The following BRSK1 variants were observed in gnomAD, a reference collection of about 807,000 sequenced individuals.
BRSK1 encodes the protein serine/threonine-protein kinase BRSK1.
BRSK1 carries 17 observed loss-of-function variants against 86.2 expected under a neutral mutation model. The observed-to-expected ratio is 0.20, with a 90% CI of 0.14 to 0.30. The LOEUF (loss-of-function observed/expected upper bound fraction) is 0.30, where lower values mean the gene tolerates loss of function less well. BRSK1 is among the 10% of genes least tolerant of loss of function. The probability of loss-of-function intolerance (pLI) is 1.00; values close to 1 mark genes in which losing one functional copy is unlikely to be tolerated. For synonymous variants in BRSK1, 464 were observed against 440.1 expected, an observed-to-expected ratio of 1.05 and a Z score of -0.68; for missense variants, 719 against 1,071.9, an observed-to-expected ratio of 0.67 and a Z score of 4.60.
At chr19:55,286,352 C>T (rs772794195) in intron 1 of BRSK1, among the ~76,000 whole-genome samples, 76 of 151,582 alleles carry the variant, frequency 5.0e-4, no homozygotes, top group Non-Finnish European at 9.4e-4. Context: ...AGTCGAGGGT[C>T]CTGAGGAGAG....
chr19:55,298,209 C>CTTTTTTTTTTTTTT (rs71181751), intron 7 of BRSK1, among the ~76,000 whole-genome samples: 15 of 69,620 alleles, frequency 2.2e-4, no homozygotes, highest in Admixed American at 5.5e-4. Flanking sequence ...TTTGTTTCTT[C>CTTTTTTTTTTTTTT]TTTTTTTTTT....
At chr19:55,300,368 C>G (rs556541292) in intron 7 of BRSK1, among the ~76,000 whole-genome samples, 1 of 152,270 alleles carries the variant, frequency 6.6e-6, no homozygotes, top group Admixed American at 6.5e-5. Flanking sequence ...CAGTGACTTG[C>G]CTGAGGTCAT....
At position 55,310,317 on chromosome 19, in the gene BRSK1, C is replaced by T. The variant is rs1432760515; in HGVS notation, c.2179+1589C>T. Among the ~76,000 whole-genome samples the T allele has an allele frequency of 1.3e-5, 2 of 152,100 alleles. No homozygotes were observed. Among genetic ancestry groups the T allele is most frequent in the Admixed American group, 6.6e-5 (1 of 15,264 alleles). On this transcript the variant is annotated intron_variant, in intron 18 of 18. Transcript: ENST00000309383. The surrounding 1 kb of genome is among the most constrained non-coding windows in gnomAD (Gnocchi z 5.0). ...GTTCCTAGGCGCTCTGGTTAAGGCC[C>T]GTTCCTCCATCTTCAAAGCCAGTGA...
At chr19:55,289,911 G>T (rs1023513694) in intron 4 of BRSK1, among the ~76,000 whole-genome samples, 1 of 152,090 alleles carries the variant, frequency 6.6e-6, no homozygotes, top group African/African-American at 2.4e-5. Flanking sequence ...CCAGCCCCCG[G>T]CAACCTATGT....
intron 4 of BRSK1, among the ~76,000 whole-genome samples, chr19:55,292,632 G>A (rs142473727): frequency 0.028 from 4,241 of 151,444 alleles, 68 homozygotes; most frequent in Non-Finnish European, 0.039. Context: ...TGAAGAGTTC[G>A]AGACCAGCCT....
intron 7 of BRSK1, among the ~76,000 whole-genome samples, chr19:55,297,495 G>A (rs1405853286): frequency 6.6e-6 from 1 of 152,232 alleles, no homozygotes. Flanking sequence ...CCTGGGGTCA[G>A]TCCTTGGTCT....
chr19:55,292,206 C>G (rs1041179697), intron 4 of BRSK1, among the ~76,000 whole-genome samples: 1 of 152,190 alleles, frequency 6.6e-6, no homozygotes, highest in African/African-American at 2.4e-5. Context: ...GAATCCTACA[C>G]TCCCTCTCTC....
In BRSK1 at chr19:55,289,690, G is replaced by A. The variant is rs2088375566; in HGVS notation, c.458+70G>A. 10 of 1,566,362 alleles carry A rather than the reference G, an allele frequency of 6.4e-6. No homozygotes were observed. In the Admixed American group the frequency reaches 1.9e-4, roughly 30 times the overall value. On this transcript the variant is annotated intron_variant, in intron 4 of 18. Transcript: ENST00000309383. ...GCAGACAGGCCCTTGGGGGCATGTG[G>A]AGGGCTGAGCAAAAGCCATGTGGTC...
intron 18 of BRSK1, among the ~76,000 whole-genome samples, chr19:55,309,557 G>A (rs932226051): frequency 2.0e-5 from 3 of 152,224 alleles, no homozygotes; most frequent in Non-Finnish European, 4.4e-5. Flanking sequence ...CAGACAGCAC[G>A]TTGGTGCTGT....
At chr19:55,298,826 G>A (rs908002297) in intron 7 of BRSK1, among the ~76,000 whole-genome samples, 5 of 152,158 alleles carry the variant, frequency 3.3e-5, no homozygotes, top group Non-Finnish European at 5.9e-5. Flanking sequence ...TCCTAAGCGC[G>A]GGAGGCTGTG....
chr19:55,302,922 CT>C lies in BRSK1; in HGVS notation c.1028+56del. 1 of 1,576,480 alleles carries C rather than the reference CT, an allele frequency of 6.3e-7. No homozygotes were observed. Among genetic ancestry groups the C allele is most frequent in the Middle Eastern group, 2.2e-4 (1 of 4,602 alleles). The stretch of plus-strand genomic sequence containing the variant: ...ACCCACGTGGGGCGAGCTGCAGCAG[CT>C]CCCTGCGCACATGCAGAGTGCTGGG... On this transcript the variant is annotated intron_variant, in intron 10 of 18. Coordinates refer to ENST00000309383, the MANE Select transcript of BRSK1 (RefSeq NM_032430.2). The surrounding 1 kb of genome is among the most constrained non-coding windows in gnomAD (Gnocchi z 6.3).
At chr19:55,305,227 C>G in intron 14 of BRSK1, 94 bp from the exon 15 acceptor site, 2 of 1,520,746 alleles carry the variant, frequency 1.3e-6, no homozygotes, top group Non-Finnish European at 9.0e-7. Context: ...ACCCAAGGCT[C>G]TGGAACCCTG....
chr19:55,304,974 A>G lies in BRSK1; in HGVS notation c.1717+54A>G. 1 of 1,589,896 alleles carries G rather than the reference A, an allele frequency of 6.3e-7. No homozygotes were observed. Among genetic ancestry groups the G allele is most frequent in the Non-Finnish European group, 8.5e-7 (1 of 1,175,558 alleles). ...ATGTGGGGAGAGGTTGGGGCTAAAA[A>G]TCTGGTTCCAGGGATGTCCGTCTGG... On this transcript the variant is annotated intron_variant, in intron 14 of 18. Coordinates refer to ENST00000309383, the MANE Select transcript of BRSK1 (RefSeq NM_032430.2). The surrounding 1 kb of genome is among the most constrained non-coding windows in gnomAD (Gnocchi z 5.2).
intron 18 of BRSK1, 64 bp from the exon 19 acceptor site, chr19:55,311,847 C>T (rs1378735431): frequency 4.5e-6 from 7 of 1,561,006 alleles, no homozygotes; most frequent in Middle Eastern, 1.7e-4. Flanking sequence ...GCCCCCATCC[C>T]CTGGTAATGG....
In BRSK1 at chr19:55,288,912, G is replaced by A. The variant is rs961822767; in HGVS notation, c.318-568G>A. 1.1e-4 allele frequency among the ~76,000 whole-genome samples: 17 copies of A among 152,274 alleles called. No homozygotes were observed. The South Asian group carries it at 1.5e-3, about 13-fold the overall frequency. On this transcript the variant is annotated intron_variant, in intron 3 of 18. Coordinates refer to ENST00000309383, the MANE Select transcript of BRSK1 (RefSeq NM_032430.2). Reference sequence around the variant, plus strand: ...AAGTGGGGGTTTTTAACTTCTAGGCGCTGATGGGAGTTGTCGTCTATTGCC... The same window carrying A: ...AAGTGGGGGTTTTTAACTTCTAGGCACTGATGGGAGTTGTCGTCTATTGCC...
chr19:55,290,648 CTT>C (rs66488143), intron 4 of BRSK1, among the ~76,000 whole-genome samples: 3 of 142,002 alleles, frequency 2.1e-5, no homozygotes, highest in Non-Finnish European at 3.1e-5. Context: ...TTTTCTTTTT[CTT>C]TTTTTTTTTG....
chr19:55,308,662 G>T lies in BRSK1; in HGVS notation c.2113G>T (p.Val705Leu). The T allele has an allele frequency of 6.2e-7, 1 of 1,609,848 alleles. No homozygotes were observed. Among genetic ancestry groups the T allele is most frequent in the East Asian group, 2.2e-5 (1 of 44,498 alleles). ...ISGPSRRFKR[V>L]VETIQAQLLS... The stretch of plus-strand genomic sequence containing the variant: ...AGGTCCCAGCCGTCGGTTCAAGCGA[G>T]TGGTGGAGACCATCCAGGCACAGCT... The change falls in exon 18 of 19, where the codon GTG (valine) becomes TTG (leucine). Residue 705 changes from valine (V) to leucine (L), a missense_variant. By Grantham distance (32) the Val-to-Leu change is conservative (BLOSUM62 1). Transcript: ENST00000309383.
chr19:55,297,600 A>G (rs965326363), intron 7 of BRSK1, among the ~76,000 whole-genome samples: 4 of 152,142 alleles, frequency 2.6e-5, no homozygotes, highest in African/African-American at 9.7e-5. Context: ...AGAGCAGCCG[A>G]GGTGCTCTGG....
intron 7 of BRSK1, among the ~76,000 whole-genome samples, chr19:55,297,374 G>GT (rs1040922285): frequency 3.9e-5 from 6 of 152,132 alleles, no homozygotes; most frequent in African/African-American, 7.2e-5. Context: ...GCCATAAGCA[G>GT]TTTTTTTAAT....
Sources: gnomAD v4.1 joint callset for allele counts (sites outside exome capture counted in the v4.1 genomes callset) on GRCh38, gnomAD v4.1.1 for gene constraint, Gnocchi (gnomAD v3.1) non-coding constraint, MANE v1.5 for transcripts, NCBI Gene and HGNC (gene_info 2026-07-23, HGNC 2026-07-21) for gene names.